DGKB: variants seen among roughly 807,000 people sequenced by gnomAD.
DGKB encodes the protein 90 kDa diacylglycerol kinase.
In DGKB, 67 loss-of-function variants were observed where a neutral mutation model predicts 114.3. The observed-to-expected ratio is 0.59, with a 90% CI of 0.48 to 0.72. The LOEUF (loss-of-function observed/expected upper bound fraction) is 0.72. Among genes scored for constraint, DGKB ranks in the 30% least tolerant of loss-of-function variants. DGKB has a pLI of 0.00. For missense variants in DGKB, 907 were observed against 975.2 expected, an observed-to-expected ratio of 0.93 and a Z score of 0.93; for synonymous variants, 398 against 323.1, an observed-to-expected ratio of 1.23 and a Z score of -2.49.
chr7:14,636,503 G>A (rs1288576118), intron 13 of DGKB, among the ~76,000 whole-genome samples: 2 of 151,712 alleles, frequency 1.3e-5, no homozygotes, highest in African/African-American at 4.8e-5. Context: ...CCTTTTAGCC[G>A]AAATAGAAAC....
chr7:14,412,095 A>C (rs1056624480), intron 21 of DGKB, among the ~76,000 whole-genome samples: 3 of 152,214 alleles, frequency 2.0e-5, no homozygotes, highest in Admixed American at 6.5e-5. Flanking sequence ...TGAGCATGAT[A>C]TGATGTATAT....
chr7:14,513,171 T>C (rs1436779576), intron 20 of DGKB, among the ~76,000 whole-genome samples: 1 of 152,088 alleles, frequency 6.6e-6, no homozygotes, highest in Non-Finnish European at 1.5e-5. Flanking sequence ...CCTTTTAATA[T>C]TTAAAAGAGA....
intron 23 of DGKB, among the ~76,000 whole-genome samples, chr7:14,224,229 T>C (rs1562665051): frequency 1.3e-5 from 2 of 151,978 alleles, no homozygotes; most frequent in African/African-American, 4.8e-5. Context: ...GATTATATAA[T>C]CTTTACTGAT....
chr7:14,878,678 G>C (rs1853702881), intron 1 of DGKB, among the ~76,000 whole-genome samples: 1 of 151,166 alleles, frequency 6.6e-6, no homozygotes, highest in Non-Finnish European at 1.5e-5. Context: ...GAACCCGGGA[G>C]GCGGAGCTTG....
intron 2 of DGKB, among the ~76,000 whole-genome samples, chr7:14,798,002 C>T (rs561853082): frequency 4.6e-5 from 7 of 152,138 alleles, no homozygotes; most frequent in African/African-American, 7.2e-5. Context: ...AGAGGGGACC[C>T]GAAATCAGGT....
intron 1 of DGKB, among the ~76,000 whole-genome samples, chr7:14,972,734 G>C (rs2115312188): frequency 6.6e-6 from 1 of 151,338 alleles, no homozygotes; most frequent in Non-Finnish European, 1.5e-5. Context: ...TCATTCTTAG[G>C]AAATTGGATT....
chr7:14,586,125 G>A (rs1044326171), intron 17 of DGKB, among the ~76,000 whole-genome samples: 3 of 152,122 alleles, frequency 2.0e-5, no homozygotes, highest in African/African-American at 7.2e-5. Flanking sequence ...CAAAAGCACA[G>A]GCAGGCCAAA....
At chr7:14,263,274 G>A (rs368998206) in intron 23 of DGKB, among the ~76,000 whole-genome samples, 3 of 152,148 alleles carry the variant, frequency 2.0e-5, no homozygotes, top group African/African-American at 7.2e-5. Context: ...TCATTGTATT[G>A]TCTTACAGTT....
intron 24 of DGKB, among the ~76,000 whole-genome samples, chr7:14,177,143 A>G (rs940366356): frequency 6.6e-6 from 1 of 152,126 alleles, no homozygotes; most frequent in African/African-American, 2.4e-5. Flanking sequence ...CTGGATGCCA[A>G]AAGAAAAATT....
intron 23 of DGKB, among the ~76,000 whole-genome samples, chr7:14,320,548 T>TA (rs1807570197): frequency 6.6e-6 from 1 of 151,352 alleles, no homozygotes; most frequent in Non-Finnish European, 1.5e-5. Context: ...GGTACATATA[T>TA]GTACTATATA....
At chr7:14,713,638 T>C (rs1374493897) in intron 6 of DGKB, among the ~76,000 whole-genome samples, 1 of 151,406 alleles carries the variant, frequency 6.6e-6, no homozygotes, top group East Asian at 1.9e-4. Context: ...CTTGGTCTTT[T>C]TTTTTTTTTC....
chr7:14,879,234 G>A (rs1201686164), intron 1 of DGKB, among the ~76,000 whole-genome samples: 3 of 151,804 alleles, frequency 2.0e-5, no homozygotes, highest in African/African-American at 7.3e-5. Context: ...ATGACCTGAG[G>A]TATAGAATAT....
intron 17 of DGKB, among the ~76,000 whole-genome samples, chr7:14,592,517 G>A (rs941426147): frequency 1.3e-5 from 2 of 151,850 alleles, no homozygotes; most frequent in Non-Finnish European, 2.9e-5. Context: ...AAATCTGGCT[G>A]AATTTTCTGA....
chr7:14,589,696 T>C (rs941723030), intron 17 of DGKB, among the ~76,000 whole-genome samples: 1 of 152,014 alleles, frequency 6.6e-6, no homozygotes, highest in African/African-American at 2.4e-5. Context: ...GAATAAACAT[T>C]TATATATTTC....
chr7:14,789,312 G>T (rs764759311), intron 2 of DGKB, among the ~76,000 whole-genome samples: 16 of 152,012 alleles, frequency 1.1e-4, no homozygotes, highest in Non-Finnish European at 2.4e-4. Flanking sequence ...AATTCCCTCT[G>T]TCTCTCACTT....
intron 21 of DGKB, among the ~76,000 whole-genome samples, chr7:14,429,279 T>A (rs1195685096): frequency 1.3e-5 from 2 of 152,092 alleles, no homozygotes; most frequent in African/African-American, 2.4e-5. Context: ...ATGGGATTAG[T>A]GGTGCCATAA....
chr7:14,221,473 T>C (rs1026420447), intron 23 of DGKB, among the ~76,000 whole-genome samples: 1 of 151,462 alleles, frequency 6.6e-6, no homozygotes, highest in African/African-American at 2.4e-5. Flanking sequence ...GTGCATTACA[T>C]TGATTGATTT....
At chr7:14,781,257 TC>T (rs1328780610) in intron 2 of DGKB, among the ~76,000 whole-genome samples, 2 of 152,358 alleles carry the variant, frequency 1.3e-5, no homozygotes, top group South Asian at 2.1e-4. Flanking sequence ...TTTGTGTATT[TC>T]ACTCCTACAT....
chr7:14,939,971 T>C (rs1054444111), intron 1 of DGKB, among the ~76,000 whole-genome samples: 3 of 152,174 alleles, frequency 2.0e-5, no homozygotes, highest in Non-Finnish European at 2.9e-5. Flanking sequence ...TCTTTTTTCT[T>C]ATGGTTTTAC....
Sources: gnomAD v4.1 joint callset for allele counts (sites outside exome capture counted in the v4.1 genomes callset) on GRCh38, gnomAD v4.1.1 for gene constraint, MANE v1.5 for transcripts, NCBI Gene and HGNC (gene_info 2026-07-23, HGNC 2026-07-21) for gene names.